GNB4: variants seen among roughly 807,000 people sequenced by gnomAD.
GNB4 encodes the protein guanine nucleotide-binding protein subunit beta-4.
A neutral mutation model predicts 45.2 loss-of-function variants in GNB4; 28 were observed. The observed-to-expected ratio is 0.62, with a 90% confidence interval of 0.46 to 0.85. The LOEUF (loss-of-function observed/expected upper bound fraction) is 0.85. Among genes scored for constraint, GNB4 ranks in the 40% least tolerant of loss-of-function variants. The probability of loss-of-function intolerance (pLI) is 0.00; values close to 1 mark genes in which losing one functional copy is unlikely to be tolerated. For synonymous variants in GNB4, 132 were observed against 143.7 expected (o/e 0.92, Z 0.58); for missense variants, 321 against 425.4 (o/e 0.75, Z 2.16).
chr3:179,442,194 T>C (rs946841617), intron 1 of GNB4, among the ~76,000 whole-genome samples: 25 of 152,338 alleles, frequency 1.6e-4, no homozygotes, highest in South Asian at 1.2e-3. Context: ...TATTACGTCA[T>C]TGAAACCAAA....
At chr3:179,493,254 A>G in the GNB4 span, among the ~76,000 whole-genome samples, 1 of 152,216 alleles carries the variant, frequency 6.6e-6, no homozygotes, top group African/African-American at 2.4e-5. Flanking sequence ...AAAGTACCTG[A>G]AAAGGAATTT....
chr3:179,515,813 G>A, the GNB4 span, among the ~76,000 whole-genome samples: 44,394 of 151,972 alleles, frequency 0.29, 7,353 homozygotes, highest in East Asian at 0.41. Flanking sequence ...GGGCTGCTTC[G>A]AGAGGGATTA....
the GNB4 span, among the ~76,000 whole-genome samples, chr3:179,516,064 G>T: frequency 6.6e-6 from 1 of 152,226 alleles, no homozygotes; most frequent in African/African-American, 2.4e-5. Flanking sequence ...CAATTAGAGA[G>T]TGCCCAAGGG....
chr3:179,502,027 G>C, the GNB4 span, among the ~76,000 whole-genome samples: 3 of 151,956 alleles, frequency 2.0e-5, no homozygotes, highest in Admixed American at 2.0e-4. Flanking sequence ...ATCCCCATTA[G>C]TATACGTCAT....
In GNB4 at chr3:179,396,749, A is replaced by C. The variant is rs1427979725; in HGVS notation, c.*4464T>G. 6.6e-6 allele frequency: 1 copy of C among 152,126 alleles called. No homozygotes were observed. Among genetic ancestry groups the C allele is most frequent in the Non-Finnish European group, 1.5e-5 (1 of 68,010 alleles). The allele number at this position is 152,126 out of a possible 1,614,324, so 9.4% of individuals were successfully genotyped here. ...GTGTACCATCAATGTGTGATTAATT[A>C]ATAAGTTACTTTTTAAAATAAAGTG... On this transcript the variant is annotated 3_prime_UTR_variant, in exon 10 of 10. Coordinates refer to ENST00000232564, the MANE Select transcript of GNB4 (RefSeq NM_021629.4).
At chr3:179,485,033 C>T in the GNB4 span, among the ~76,000 whole-genome samples, 10 of 108,676 alleles carry the variant, frequency 9.2e-5, no homozygotes, top group East Asian at 8.4e-4. Flanking sequence ...TTTTTTGAGA[C>T]GGAGTCTCGC....
At chr3:179,482,808 T>C in the GNB4 span, among the ~76,000 whole-genome samples, 5 of 151,540 alleles carry the variant, frequency 3.3e-5, no homozygotes, top group African/African-American at 1.2e-4. Flanking sequence ...TTATGGCAGG[T>C]GGAAAAGTCT....
In GNB4 at chr3:179,405,393, C is replaced by T. The variant is rs750334592; in HGVS notation, c.713G>A (p.Gly238Glu). The T allele has an allele frequency of 1.2e-6, 2 of 1,609,916 alleles. No individual in the cohort carries two copies. Among genetic ancestry groups the T allele is most frequent in the Non-Finnish European group, 1.7e-6 (2 of 1,177,336 alleles). The change falls in exon 9 of 10, where the codon GGA becomes GAA. Residue 238 changes from glycine (G) to glutamate (E), a missense_variant. Physicochemically the swap from Gly to Glu is moderately conservative, Grantham distance 98 (BLOSUM62 -2). Coordinates refer to ENST00000232564, the MANE Select transcript of GNB4 (RefSeq NM_021629.4). ...ATCAGAGCCAGTGGCGAAGGCATAT[C>T]CATTTGGGAAAAACTAGACAGGAAA... ...DINAVSFFPN[G>E]YAFATGSDDA...
intron 9 of GNB4, among the ~76,000 whole-genome samples, chr3:179,402,007 T>A (rs1714317992): frequency 6.6e-6 from 1 of 152,226 alleles, no homozygotes; most frequent in African/African-American, 2.4e-5. Flanking sequence ...AATTTTTAAA[T>A]ACAGTGTTTG....
chr3:179,408,599 T>C (rs908012537), intron 8 of GNB4, among the ~76,000 whole-genome samples: 7 of 151,944 alleles, frequency 4.6e-5, no homozygotes, highest in Admixed American at 4.6e-4. Context: ...AAGACCAGCC[T>C]GGCCAATGTA....
the GNB4 span, among the ~76,000 whole-genome samples, chr3:179,482,519 T>C: frequency 6.6e-6 from 1 of 152,204 alleles, no homozygotes; most frequent in Non-Finnish European, 1.5e-5. Context: ...AAAACATTTA[T>C]TTTGTAAAAG....
At chr3:179,420,963 A>C in intron 2 of GNB4, 36 bp from the exon 3 acceptor site, 2 of 1,241,886 alleles carry the variant, frequency 1.6e-6, no homozygotes, top group Admixed American at 3.6e-5. Flanking sequence ...TGCATTTAGC[A>C]ACCTGTGGAA....
At chr3:179,420,608 A>G (rs1037850395) in intron 3 of GNB4, among the ~76,000 whole-genome samples, 3 of 151,852 alleles carry the variant, frequency 2.0e-5, no homozygotes, top group African/African-American at 7.3e-5. Flanking sequence ...GATTATGCCC[A>G]GCTAATTTTT....
intron 2 of GNB4, among the ~76,000 whole-genome samples, chr3:179,421,519 G>A (rs1381471606): frequency 6.6e-6 from 1 of 152,024 alleles, no homozygotes; most frequent in Non-Finnish European, 1.5e-5. Flanking sequence ...TTCCTGCTAG[G>A]CTTAAACTTT....
chr3:179,396,495 C>CAA lies in GNB4; in HGVS notation c.*4716_*4717dup, dbSNP rs1714120889. ...GGATAGAGCACCATTGTGTAAAAGA[C>CAA]AAAAGGCTTGAGATATCTACCAAGT... On this transcript the variant is annotated 3_prime_UTR_variant, in exon 10 of 10. Transcript: ENST00000232564. The CAA allele has an allele frequency of 6.6e-6, 1 of 152,160 alleles. No homozygotes were observed. The highest frequency in any genetic ancestry group is 2.4e-5 in the African/African-American group (1 of 41,430). The allele number at this position is 152,160 out of a possible 1,614,324, so 9.4% of individuals were successfully genotyped here. A position where few individuals can be genotyped will look rare whatever the true frequency, so the allele number is the denominator to read the frequency against.
chr3:179,509,513 G>C, the GNB4 span, among the ~76,000 whole-genome samples: 1 of 152,036 alleles, frequency 6.6e-6, no homozygotes, highest in East Asian at 1.9e-4. Context: ...ACGTTCTCAA[G>C]TCATGGTCAT....
At position 179,400,289 on chromosome 3, in the gene GNB4, C is replaced by T. The variant is rs1437172915; in HGVS notation, c.*924G>A. ...CTCCAAATGTAACACTGTCACATTGCATTTCCTCTCTAGATGTATACTGAT... is the reference window on the plus strand; with the variant it reads ...CTCCAAATGTAACACTGTCACATTGTATTTCCTCTCTAGATGTATACTGAT... On this transcript the variant is annotated 3_prime_UTR_variant, in exon 10 of 10. Transcript: ENST00000232564. 6.6e-6 allele frequency: 1 copy of T among 152,206 alleles called. No homozygotes were observed. Among genetic ancestry groups the T allele is most frequent in the Non-Finnish European group, 1.5e-5 (1 of 68,038 alleles). 9.4% of individuals were successfully genotyped at this position (152,206 alleles called of 1,614,324 possible).
chr3:179,459,699 A>G, the GNB4 span, among the ~76,000 whole-genome samples: 3 of 152,158 alleles, frequency 2.0e-5, no homozygotes, highest in South Asian at 6.2e-4. Context: ...AAAAAGAAAA[A>G]AAAAAGCAAG....
intron 1 of GNB4, among the ~76,000 whole-genome samples, chr3:179,435,597 G>A (rs925841093): frequency 6.6e-6 from 1 of 151,798 alleles, no homozygotes; most frequent in African/African-American, 2.4e-5. Flanking sequence ...CATTAACATC[G>A]CTAAGGCAAT....
Sources: gnomAD v4.1 joint callset for allele counts (sites outside exome capture counted in the v4.1 genomes callset) on GRCh38, gnomAD v4.1.1 for gene constraint, MANE v1.5 for transcripts, NCBI Gene and HGNC (gene_info 2026-07-23, HGNC 2026-07-21) for gene names.